SKAP1: variants seen among roughly 807,000 people sequenced by gnomAD.
SKAP1 encodes src kinase-associated phosphoprotein 1.
A neutral mutation model predicts 58.5 loss-of-function variants in SKAP1; 44 were observed. The ratio of observed to expected loss-of-function variants is 0.75; its 90% CI spans 0.59 to 0.97. SKAP1 has a LOEUF of 0.97. Among genes scored for constraint, SKAP1 ranks in the 50% least tolerant of loss-of-function variants. The pLI, the probability that SKAP1 is intolerant of heterozygous loss-of-function variation, is 0.00. For missense variants in SKAP1, 390 were observed against 435.2 expected (o/e 0.90, Z 0.92); for synonymous variants, 127 against 149.7 (o/e 0.85, Z 1.11).
At chr17:48,313,206 C>G (rs1263372311) in intron 4 of SKAP1, among the ~76,000 whole-genome samples, 1 of 152,082 alleles carries the variant, frequency 6.6e-6, no homozygotes, top group African/African-American at 2.4e-5. Context: ...CTTAATTTCC[C>G]CTTTGAACTC....
At chr17:48,228,225 G>A (rs1783513815) in intron 4 of SKAP1, among the ~76,000 whole-genome samples, 1 of 152,032 alleles carries the variant, frequency 6.6e-6, no homozygotes, top group African/African-American at 2.4e-5. Context: ...GAGATTGAAT[G>A]AGCATGAGAA....
At chr17:48,340,041 C>T (rs1398123068) in intron 4 of SKAP1, among the ~76,000 whole-genome samples, 4 of 152,076 alleles carry the variant, frequency 2.6e-5, no homozygotes, top group East Asian at 1.9e-4. Flanking sequence ...ATTAGCCAGT[C>T]GTGTGGCATG....
intron 9 of SKAP1, among the ~76,000 whole-genome samples, chr17:48,178,537 C>T (rs1447953958): frequency 6.6e-6 from 1 of 152,206 alleles, no homozygotes; most frequent in Admixed American, 6.5e-5. Context: ...GGAAGATTCT[C>T]AGAGGAGCTG....
intron 4 of SKAP1, among the ~76,000 whole-genome samples, chr17:48,255,176 C>T (rs1343236727): frequency 6.6e-6 from 1 of 151,934 alleles, no homozygotes; most frequent in East Asian, 1.9e-4. Context: ...TCTTATTGGG[C>T]TTATCTTGTT....
At chr17:48,285,581 C>T (rs1482273087) in intron 4 of SKAP1, among the ~76,000 whole-genome samples, 2 of 150,532 alleles carry the variant, frequency 1.3e-5, no homozygotes, top group Non-Finnish European at 2.9e-5. Flanking sequence ...TGCCACTGCA[C>T]TCCAGCTTGG....
chr17:48,332,702 T>C (rs1403836187), intron 4 of SKAP1, among the ~76,000 whole-genome samples: 6 of 152,158 alleles, frequency 3.9e-5, no homozygotes, highest in African/African-American at 1.4e-4. Flanking sequence ...ATAGCTTTCA[T>C]GGAGACATTT....
intron 4 of SKAP1, among the ~76,000 whole-genome samples, chr17:48,224,022 G>GAA (rs2065034371): frequency 7.9e-6 from 1 of 127,328 alleles, no homozygotes; most frequent in African/African-American, 2.9e-5. Context: ...GAGAGAGAGA[G>GAA]AGAGAGAGAG....
At chr17:48,380,373 T>C (rs1442715976) in intron 2 of SKAP1, 1 of 152,244 alleles carries the variant, frequency 6.6e-6, no homozygotes, top group Non-Finnish European at 1.5e-5. Flanking sequence ...TAAGCCCTGC[T>C]GGAAAGATTT....
At chr17:48,146,148 G>A (rs892410921) in intron 11 of SKAP1, among the ~76,000 whole-genome samples, 2 of 152,100 alleles carry the variant, frequency 1.3e-5, no homozygotes, top group South Asian at 4.2e-4. Flanking sequence ...CTTTGGCCCA[G>A]GGTGGGTATC....
In SKAP1 at chr17:48,189,423, C is replaced by A. The variant is rs768155813; in HGVS notation, c.358G>T (p.Asp120Tyr). 6.2e-7 allele frequency: 1 copy of A among 1,610,984 alleles called. No individual in the cohort carries two copies. Among genetic ancestry groups the A allele is most frequent in the Non-Finnish European group, 8.5e-7 (1 of 1,178,044 alleles). ...KQGYLEKKSK[D>Y]HSFFGSEWQK... ...TGAAATCTGTGGGTCTGACCAATAC[C>A]TTTGCTTTTCTTCTCCAAGTATCCT... The change falls in exon 5 of 13, where the codon GAT becomes TAT. Residue 120 changes from aspartate to tyrosine, a missense_variant and splice_region_variant. Physicochemically the swap from Asp to Tyr is radical, Grantham distance 160. Coordinates refer to ENST00000336915, the MANE Select transcript of SKAP1 (RefSeq NM_003726.4).
intron 1 of SKAP1, among the ~76,000 whole-genome samples, chr17:48,413,901 CAG>C (rs1266631584): frequency 6.6e-6 from 1 of 152,148 alleles, no homozygotes; most frequent in Non-Finnish European, 1.5e-5. Flanking sequence ...CCTGATGCTA[CAG>C]AGTCTTCCCA....
chr17:48,337,585 G>C (rs2066590641), intron 4 of SKAP1, among the ~76,000 whole-genome samples: 1 of 152,084 alleles, frequency 6.6e-6, no homozygotes, highest in Non-Finnish European at 1.5e-5. Context: ...GGACAAAAAG[G>C]CCAAAAAAGA....
chr17:48,339,747 C>A (rs2066622766), intron 4 of SKAP1, among the ~76,000 whole-genome samples: 1 of 152,080 alleles, frequency 6.6e-6, no homozygotes, highest in Non-Finnish European at 1.5e-5. Context: ...ATTCACATAC[C>A]TCAGTAAACA....
chr17:48,358,399 A>T (rs1021323630), intron 3 of SKAP1, among the ~76,000 whole-genome samples: 3 of 152,068 alleles, frequency 2.0e-5, no homozygotes, highest in Non-Finnish European at 2.9e-5. Context: ...TGCTGCTTTA[A>T]TGTTTTGCTT....
At chr17:48,294,824 C>G (rs1264852228) in intron 4 of SKAP1, among the ~76,000 whole-genome samples, 1 of 152,068 alleles carries the variant, frequency 6.6e-6, no homozygotes, top group Non-Finnish European at 1.5e-5. Flanking sequence ...TAAATCTGGA[C>G]ATGTCAATAT....
chr17:48,294,001 C>T (rs1402536864), intron 4 of SKAP1, among the ~76,000 whole-genome samples: 1 of 152,112 alleles, frequency 6.6e-6, no homozygotes, highest in African/African-American at 2.4e-5. Context: ...TAACAAAAAT[C>T]CGATTGGTGC....
chr17:48,214,367 G>T (rs2064910919), intron 4 of SKAP1, among the ~76,000 whole-genome samples: 1 of 152,182 alleles, frequency 6.6e-6, no homozygotes. Flanking sequence ...AGGATGTATT[G>T]CCTTCTTCTT....
At chr17:48,418,854 A>G (rs2067762395) in intron 1 of SKAP1, among the ~76,000 whole-genome samples, 1 of 152,226 alleles carries the variant, frequency 6.6e-6, no homozygotes. Flanking sequence ...TACTGATTGC[A>G]TTATGATAGA....
intron 4 of SKAP1, among the ~76,000 whole-genome samples, chr17:48,309,562 T>C (rs2066194203): frequency 6.6e-6 from 1 of 150,602 alleles, no homozygotes; most frequent in Non-Finnish European, 1.5e-5. Flanking sequence ...AGGGTCTCTA[T>C]GCACAGATAT....
Sources: allele counts gnomAD v4.1 joint callset (sites outside exome capture counted in the v4.1 genomes callset), GRCh38; gene constraint gnomAD v4.1.1; transcripts MANE v1.5; gene names NCBI Gene and HGNC (gene_info 2026-07-23, HGNC 2026-07-21).